KIF4A: variants seen among roughly 807,000 people sequenced by gnomAD.
KIF4A encodes kinesin family member 4A, also known as chromosome-associated kinesin KIF4A.
A neutral mutation model predicts 105.9 loss-of-function variants in KIF4A; 7 were observed. The ratio of observed to expected loss-of-function variants is 0.07; its 90% CI spans 0.04 to 0.12. The LOEUF is 0.12. Ranked by LOEUF, KIF4A falls within the 10% of genes least tolerant of loss-of-function variation. The pLI is 1.00. For missense variants in KIF4A, 558 were observed against 929.2 expected (o/e 0.60, Z 5.19); for synonymous variants, 281 against 331.3 (o/e 0.85, Z 1.65).
chrX:70,326,392 C>T (rs1325040295), intron 7 of KIF4A, among the ~76,000 whole-genome samples: 1 of 111,851 alleles, frequency 8.9e-6, no homozygotes, highest in African/African-American at 3.2e-5. Flanking sequence ...CCAAATGTCC[C>T]CTATGAAGCA....
intron 28 of KIF4A, among the ~76,000 whole-genome samples, chrX:70,410,481 G>A (rs757484171): frequency 5.4e-5 from 6 of 111,911 alleles, no homozygotes; most frequent in Non-Finnish European, 1.1e-4. Context: ...CCTTGAGCAA[G>A]TCAGTCTCCC....
chrX:70,299,407 A>T (rs2085796228), intron 5 of KIF4A, among the ~76,000 whole-genome samples: 1 of 111,060 alleles, frequency 9.0e-6, no homozygotes. Flanking sequence ...GTTCAGTTTT[A>T]TCACCTTCCT....
intron 25 of KIF4A, 134 bp from the exon 26 acceptor site, chrX:70,405,694 C>G: frequency 2.1e-6 from 1 of 483,691 alleles, no homozygotes; most frequent in Non-Finnish European, 3.7e-6. Flanking sequence ...TTTCTGGGTG[C>G]CAGTGCCTGC....
Position 70,375,191 on chromosome X carries a change from C to CCTA in KIF4A, c.1779-13_1779-12insCTA, listed in dbSNP as rs994903782. On this transcript the variant is annotated splice_polypyrimidine_tract_variant and intron_variant, in intron 16 of 30. Transcript: ENST00000374403. ...CTGCTGGTAGTCCTCACTTCTACAG[C>CCTA]ATCTGTGTTTAGGTTGAGTGAGCGC... 8.3e-7 allele frequency: 1 copy of CCTA among 1,206,745 alleles called. No homozygotes were observed. The highest frequency in any genetic ancestry group is 1.8e-5 in the African/African-American group (1 of 56,918).
intron 15 of KIF4A, among the ~76,000 whole-genome samples, chrX:70,371,142 A>G (rs1325241811): frequency 1.8e-5 from 2 of 109,442 alleles, no homozygotes; most frequent in East Asian, 5.8e-4. Context: ...CCAACTACTC[A>G]TCCAGTCAGT....
At chrX:70,353,387 T>C (rs1653404936) in intron 14 of KIF4A, among the ~76,000 whole-genome samples, 1 of 111,857 alleles carries the variant, frequency 8.9e-6, no homozygotes, top group Non-Finnish European at 1.9e-5. Context: ...GCAAAGAAAG[T>C]TAGTTGATAC....
chrX:70,306,361 G>A (rs60087739), intron 7 of KIF4A, among the ~76,000 whole-genome samples: 14,030 of 110,782 alleles, frequency 0.13, 773 homozygotes, highest in East Asian at 0.24. Flanking sequence ...ATGAACATTA[G>A]GTTCAACTTG....
At chrX:70,340,630 A>C (rs190161924) in intron 10 of KIF4A, among the ~76,000 whole-genome samples, 2 of 111,879 alleles carry the variant, frequency 1.8e-5, no homozygotes, top group Non-Finnish European at 3.8e-5. Flanking sequence ...AGTCTTAGTA[A>C]ATGCTCAACA....
chrX:70,393,152 A>C (rs1024334308), intron 20 of KIF4A, among the ~76,000 whole-genome samples: 1 of 111,013 alleles, frequency 9.0e-6, no homozygotes, highest in East Asian at 2.8e-4. Flanking sequence ...TCAATTCAAA[A>C]TACATTCTAA....
intron 26 of KIF4A, 51 bp downstream of exon 26, chrX:70,405,956 C>T: frequency 2.0e-6 from 2 of 1,001,938 alleles, no homozygotes; most frequent in Non-Finnish European, 2.8e-6. Context: ...CCCGTTGCTA[C>T]TGAGGCCAGC....
chrX:70,378,389 C>T (rs2086183302), intron 18 of KIF4A, among the ~76,000 whole-genome samples: 1 of 110,989 alleles, frequency 9.0e-6, no homozygotes, highest in Admixed American at 9.7e-5. Flanking sequence ...AAAAAGAGAG[C>T]AAACTAAACC....
chrX:70,380,123 G>A (rs770545261), intron 18 of KIF4A, among the ~76,000 whole-genome samples: 11 of 111,521 alleles, frequency 9.9e-5, no homozygotes, highest in Non-Finnish European at 2.1e-4. Context: ...GGCCAACATG[G>A]CGAAACCCTG....
chrX:70,340,576 GT>G lies in KIF4A; in HGVS notation c.1134-1215del, dbSNP rs777640249. 4.5e-5 allele frequency among the ~76,000 whole-genome samples: 5 copies of G among 111,886 alleles called. No individual in the cohort carries two copies. The South Asian group carries it at 1.1e-3, about 25-fold the overall frequency. On this transcript the variant is annotated intron_variant, in intron 10 of 30. Transcript: ENST00000374403. ...GAAATAACACTTAAATTTACTAATA[GT>G]TTTTTTTATAATCTGCATTTTAATT...
In KIF4A at chrX:70,406,285, C is replaced by T; in HGVS notation, c.3003C>T (p.Ser1001=). 1 of 1,208,591 alleles carries T rather than the reference C, an allele frequency of 8.3e-7. No individual in the cohort carries two copies. The highest frequency in any genetic ancestry group is 1.1e-6 in the Non-Finnish European group (1 of 892,804). The change falls in exon 27 of 31, where the codon AGC becomes AGT. Residue 1001 remains serine, a synonymous_variant. Transcript: ENST00000374403. The part of the protein sequence containing the change: ...KQKLTLLQVA[S]RQKHLPKDTL... ...AACTGACCCTCCTCCAGGTAGCCAG[C>T]AGACAGAAACATCTTCCTAAGGATA...
chrX:70,368,213 G>C (rs923505873), intron 15 of KIF4A, among the ~76,000 whole-genome samples: 3 of 111,743 alleles, frequency 2.7e-5, no homozygotes, highest in African/African-American at 6.5e-5. Flanking sequence ...CCTTTAGCTC[G>C]GAGTAGTTTG....
chrX:70,294,657 T>C (rs767639176), intron 3 of KIF4A, among the ~76,000 whole-genome samples: 2 of 113,003 alleles, frequency 1.8e-5, no homozygotes, highest in Non-Finnish European at 3.7e-5. Flanking sequence ...GGCACACGAC[T>C]GTAACAATTG....
At chrX:70,296,588 A>G (rs1343563556) in intron 3 of KIF4A, among the ~76,000 whole-genome samples, 4 of 112,505 alleles carry the variant, frequency 3.6e-5, no homozygotes, top group Non-Finnish European at 7.5e-5. Context: ...TAATCAAGAA[A>G]ATACATGCCA....
chrX:70,329,292 T>C, intron 7 of KIF4A, 113 bp from the exon 8 acceptor site: 1 of 714,900 alleles, frequency 1.4e-6, no homozygotes, highest in Non-Finnish European at 2.0e-6. Context: ...TTTCTCAAGA[T>C]TGATGACTCG....
intron 29 of KIF4A, among the ~76,000 whole-genome samples, chrX:70,418,820 C>T (rs1211701112): frequency 1.8e-5 from 2 of 112,043 alleles, no homozygotes; most frequent in African/African-American, 6.5e-5. Context: ...CACGGTGGCT[C>T]ACGCCTGTAA....
Sources: allele counts gnomAD v4.1 joint callset (sites outside exome capture counted in the v4.1 genomes callset), GRCh38; gene constraint gnomAD v4.1.1; transcripts MANE v1.5; gene names NCBI Gene and HGNC (gene_info 2026-07-23, HGNC 2026-07-21).